TMEM11: variants seen among roughly 807,000 people sequenced by gnomAD.
TMEM11 encodes transmembrane protein 11, mitochondrial.
TMEM11 carries 1 observed loss-of-function variant against 17.0 expected under a neutral mutation model. That is an observed-to-expected ratio of 0.06 (90% CI 0.02 to 0.28). The LOEUF (loss-of-function observed/expected upper bound fraction) is 0.28, where lower values mean the gene tolerates loss of function less well. Among genes scored for constraint, TMEM11 ranks in the 10% least tolerant of loss-of-function variants. The pLI is 1.00. For missense variants in TMEM11, 172 were observed against 252.9 expected (o/e 0.68, Z 2.17); for synonymous variants, 122 against 118.1 (o/e 1.03, Z -0.21).
In TMEM11 at chr17:21,198,872, G is replaced by C; in HGVS notation, c.63-32C>G. ...ATGGAGGGGGCAGGAAAGGGAGAGAGAGAGAGAGACAGGATGATTAGGCTG... is the reference window on the plus strand; with the variant it reads ...ATGGAGGGGGCAGGAAAGGGAGAGACAGAGAGAGACAGGATGATTAGGCTG... On this transcript the variant is annotated intron_variant, in intron 1 of 1. Transcript: ENST00000317635. This position sits in a 1 kb window ranked among gnomAD's most constrained non-coding sequence, Gnocchi z 6.5. 6.3e-7 allele frequency: 1 copy of C among 1,584,024 alleles called. No individual in the cohort carries two copies.
At chr17:21,202,415 C>T (rs921225564) in intron 1 of TMEM11, among the ~76,000 whole-genome samples, 3 of 152,170 alleles carry the variant, frequency 2.0e-5, no homozygotes, top group South Asian at 2.1e-4. Flanking sequence ...CACCCTAGTG[C>T]GGTACCTTTC....
At position 21,198,265 on chromosome 17, in the gene TMEM11, A is replaced by G; in HGVS notation, c.*59T>C. 3 of 1,555,960 alleles carry G rather than the reference A, an allele frequency of 1.9e-6. No individual in the cohort carries two copies. The highest frequency in any genetic ancestry group is 2.6e-6 in the Non-Finnish European group (3 of 1,146,098). ...CTGCCTCACAGAGTGTGGCGATCTG[A>G]ATACTCTGTTGTCTCTTGTGGGCCG... is the stretch of plus-strand genomic sequence containing the variant. On this transcript the variant is annotated 3_prime_UTR_variant, in exon 2 of 2. Coordinates refer to ENST00000317635, the MANE Select transcript of TMEM11 (RefSeq NM_003876.3). This position sits in a 1 kb window ranked among gnomAD's most constrained non-coding sequence, Gnocchi z 6.5.
At chr17:21,201,360 G>A (rs569927609) in intron 1 of TMEM11, among the ~76,000 whole-genome samples, 28 of 152,292 alleles carry the variant, frequency 1.8e-4, no homozygotes, top group African/African-American at 5.5e-4. Flanking sequence ...CTAATTAAAC[G>A]GCATGCACTG....
chr17:21,212,981 C>A (rs947909823), intron 1 of TMEM11, among the ~76,000 whole-genome samples: 2 of 152,196 alleles, frequency 1.3e-5, no homozygotes, highest in African/African-American at 4.8e-5. Context: ...GAATAAAGTG[C>A]AAGCAAGCTA....
intron 1 of TMEM11, among the ~76,000 whole-genome samples, chr17:21,203,305 C>T (rs1243360495): frequency 6.6e-6 from 1 of 152,238 alleles, no homozygotes; most frequent in African/African-American, 2.4e-5. Context: ...CTTCCTGGTA[C>T]ACTGGTGGGA....
At chr17:21,199,999 C>T (rs1407781972) in intron 1 of TMEM11, among the ~76,000 whole-genome samples, 1 of 152,238 alleles carries the variant, frequency 6.6e-6, no homozygotes, top group East Asian at 1.9e-4. Flanking sequence ...AAATGCCACT[C>T]ATTTGCATAA....
At chr17:21,208,222 G>C (rs1426507654) in intron 1 of TMEM11, among the ~76,000 whole-genome samples, 2 of 150,322 alleles carry the variant, frequency 1.3e-5, no homozygotes, top group East Asian at 1.9e-4. Flanking sequence ...TCAATCTCCT[G>C]ACCTCGTGAT....
At chr17:21,201,671 G>A (rs1395948720) in intron 1 of TMEM11, among the ~76,000 whole-genome samples, 1 of 152,124 alleles carries the variant, frequency 6.6e-6, no homozygotes, top group African/African-American at 2.4e-5. Context: ...ACCCAGGCAG[G>A]AGTGCAGTGG....
intron 1 of TMEM11, among the ~76,000 whole-genome samples, chr17:21,203,624 T>C (rs1053277700): frequency 6.6e-6 from 1 of 151,478 alleles, no homozygotes; most frequent in South Asian, 2.1e-4. Context: ...CAAGAATCAC[T>C]TGAACCTGGG....
At position 21,198,152 on chromosome 17, in the gene TMEM11, G is replaced by A; in HGVS notation, c.*172C>T. On this transcript the variant is annotated 3_prime_UTR_variant, in exon 2 of 2. Coordinates refer to ENST00000317635, the MANE Select transcript of TMEM11 (RefSeq NM_003876.3). The surrounding 1 kb of genome is among the most constrained non-coding windows in gnomAD (Gnocchi z 6.5). ...GGGTTATGGAAATCCACATCTTAGT[G>A]TAATGAGCTGAAAAACCCTGGGTAC... is the stretch of plus-strand genomic sequence containing the variant. 4 of 794,840 alleles carry A rather than the reference G, an allele frequency of 5.0e-6. No homozygotes were observed. Among genetic ancestry groups the A allele is most frequent in the Non-Finnish European group, 5.8e-6 (3 of 517,024 alleles). 49.2% of individuals were successfully genotyped at this position (794,840 alleles called of 1,614,324 possible). A position where few individuals can be genotyped will look rare whatever the true frequency, so the allele number is the denominator to read the frequency against.
chr17:21,211,746 C>A (rs981663068), intron 1 of TMEM11, among the ~76,000 whole-genome samples: 2 of 152,214 alleles, frequency 1.3e-5, no homozygotes, highest in African/African-American at 2.4e-5. Flanking sequence ...GCCCCTTCCC[C>A]AAACCAGATA....
chr17:21,199,784 G>A (rs952278080), intron 1 of TMEM11, among the ~76,000 whole-genome samples: 1 of 152,154 alleles, frequency 6.6e-6, no homozygotes, highest in South Asian at 2.1e-4. Flanking sequence ...TCCCCGCTGC[G>A]GAGGGGAGAA....
At chr17:21,204,458 A>G (rs60319198) in intron 1 of TMEM11, among the ~76,000 whole-genome samples, 1,703 of 146,474 alleles carry the variant, frequency 0.012, 26 homozygotes, top group African/African-American at 0.042. Context: ...AAAAAAAAAA[A>G]AGAGAAAAAG....
In TMEM11 at chr17:21,198,675, G is replaced by A. The variant is rs1053752985; in HGVS notation, c.228C>T (p.Thr76=). Residue 76 remains threonine, a synonymous_variant, in exon 2 of 2, where the codon ACC becomes ACT. Transcript: ENST00000317635. This position sits in a 1 kb window ranked among gnomAD's most constrained non-coding sequence, Gnocchi z 6.5. ...RIGDETARWI[T]VGNCLHKTAV... ...CCGTCTTGTGCAGGCAGTTGCCCAC[G>A]GTGATCCAGCGGGCTGTCTCGTCGC... The A allele has an allele frequency of 1.4e-5, 23 of 1,614,004 alleles. No homozygotes were observed. Among genetic ancestry groups the A allele is most frequent in the Admixed American group, 3.3e-5 (2 of 60,012 alleles).
chr17:21,198,452 G>C lies in TMEM11; in HGVS notation c.451C>G (p.Leu151Val), dbSNP rs1567634579. ...YKLSRLPLHT[L>V]TSSTPVVLVR... ...AGCACCACCGGGGTGGAGGAGGTGA[G>C]TGTGTGCAGAGGCAGGCGCGACAGT... The change falls in exon 2 of 2, where the codon CTC (leucine) becomes GTC (valine). Residue 151 changes from leucine to valine, a missense_variant. Leu to Val is a conservative substitution (Grantham distance 32, BLOSUM62 1). This residue lies in a region of TMEM11 where 123 missense variants were observed against 213.6 expected (regional missense o/e 0.58). Coordinates refer to ENST00000317635, the MANE Select transcript of TMEM11 (RefSeq NM_003876.3). This position sits in a 1 kb window ranked among gnomAD's most constrained non-coding sequence, Gnocchi z 6.5. 1 of 1,614,256 alleles carries C rather than the reference G, an allele frequency of 6.2e-7. No homozygotes were observed. The highest frequency in any genetic ancestry group is 8.5e-7 in the Non-Finnish European group (1 of 1,180,056).
At chr17:21,207,574 G>C (rs1030084170) in intron 1 of TMEM11, among the ~76,000 whole-genome samples, 4 of 148,114 alleles carry the variant, frequency 2.7e-5, no homozygotes, top group African/African-American at 9.9e-5. Context: ...ATAAGACAAA[G>C]TATCAAAGGT....
At chr17:21,200,831 G>T (rs910847770) in intron 1 of TMEM11, among the ~76,000 whole-genome samples, 5 of 152,228 alleles carry the variant, frequency 3.3e-5, no homozygotes, top group Admixed American at 1.3e-4. Flanking sequence ...CGGTGCAGAG[G>T]AGAGTCATGG....
At chr17:21,200,266 C>T (rs1221899642) in intron 1 of TMEM11, among the ~76,000 whole-genome samples, 2 of 152,252 alleles carry the variant, frequency 1.3e-5, no homozygotes. Flanking sequence ...CTGTGGCGGG[C>T]AGGCCTGAAG....
chr17:21,198,418 T>C lies in TMEM11; in HGVS notation c.485A>G (p.Lys162Arg). Reference protein sequence around the residue: ...TSSTPVVLVRKDDLHRKRLHN... With the variant: ...TSSTPVVLVRRDDLHRKRLHN... ...CAGTCTCTTTCTGTGCAGGTCGTCC[T>C]TCCGGACCAGCACCACCGGGGTGGA... Residue 162 changes from lysine (K) to arginine (R), a missense_variant, in exon 2 of 2, where the codon AAG (lysine) becomes AGG (arginine). Lys to Arg is a conservative substitution (Grantham distance 26). Transcript: ENST00000317635. This position sits in a 1 kb window ranked among gnomAD's most constrained non-coding sequence, Gnocchi z 6.5. The C allele has an allele frequency of 6.2e-7, 1 of 1,614,228 alleles. No homozygotes were observed. The highest frequency in any genetic ancestry group is 8.5e-7 in the Non-Finnish European group (1 of 1,180,048).
Sources: gnomAD v4.1 joint callset for allele counts (sites outside exome capture counted in the v4.1 genomes callset) on GRCh38, gnomAD v4.1.1 for gene constraint, gnomAD v4.1.1 regional missense constraint, Gnocchi (gnomAD v3.1) non-coding constraint, MANE v1.5 for transcripts, NCBI Gene and HGNC (gene_info 2026-07-23, HGNC 2026-07-21) for gene names.